The following MYH7B variants were observed in gnomAD, a reference collection of about 807,000 sequenced individuals.
MYH7B encodes the protein myosin heavy chain 7B, also known as myosin-7B.
A neutral mutation model predicts 234.5 loss-of-function variants in MYH7B; 205 were observed. That is an observed-to-expected ratio of 0.87 (90% CI 0.78 to 0.98). The LOEUF (loss-of-function observed/expected upper bound fraction) is 0.98, where lower values mean the gene tolerates loss of function less well. Among genes scored for constraint, MYH7B ranks in the 50% least tolerant of loss-of-function variants. The pLI is 0.00. For missense variants in MYH7B, 2,652 were observed against 2,633.4 expected, an observed-to-expected ratio of 1.01 and a Z score of -0.15; for synonymous variants, 1,193 against 1,105.0, an observed-to-expected ratio of 1.08 and a Z score of -1.58.
chr20:35,001,563 C>A, intron 43 of MYH7B, 37 bp downstream of exon 43: 1 of 1,549,440 alleles, frequency 6.5e-7, no homozygotes, highest in Non-Finnish European at 8.8e-7. Context: ...GGACCGGGCA[C>A]CCCAGCTCTG....
At chr20:34,999,754 C>A (rs747998179) in intron 37 of MYH7B, 37 bp from the exon 38 acceptor site, 6 of 1,280,924 alleles carry the variant, frequency 4.7e-6, no homozygotes, top group Admixed American at 1.8e-5. Context: ...TGGCCATCCC[C>A]CCCCCCCACC....
intron 27 of MYH7B, among the ~76,000 whole-genome samples, chr20:34,994,989 C>T (rs141570495): frequency 6.6e-6 from 1 of 152,356 alleles, no homozygotes; most frequent in East Asian, 1.9e-4. Context: ...GGACTGCCTC[C>T]AGGAGCCCGT....
intron 24 of MYH7B, among the ~76,000 whole-genome samples, chr20:34,992,124 G>A (rs1032961325): frequency 1.3e-5 from 2 of 152,188 alleles, no homozygotes; most frequent in African/African-American, 4.8e-5. Flanking sequence ...GGTGGCTAAC[G>A]CCTGTAATCC....
At chr20:34,979,047 T>C (rs937637514) in intron 5 of MYH7B, among the ~76,000 whole-genome samples, 1 of 152,136 alleles carries the variant, frequency 6.6e-6, no homozygotes, top group African/African-American at 2.4e-5. Flanking sequence ...GGCTGCTCTG[T>C]ATGGGACCTA....
chr20:35,000,588 G>A (rs1363872742), exon 39 of MYH7B: 3 of 1,568,668 alleles, frequency 1.9e-6, no homozygotes, highest in Non-Finnish European at 2.6e-6. Flanking sequence ...TGCGGAGCTG[G>A]AGGAGCTGCG....
chr20:34,970,339 C>T (rs558486852), intron 2 of MYH7B, among the ~76,000 whole-genome samples: 3 of 152,342 alleles, frequency 2.0e-5, no homozygotes, highest in East Asian at 3.9e-4. Flanking sequence ...CCACTTGTCT[C>T]ATACCCATGT....
chr20:34,984,910 C>T (rs372744056), exon 12 of MYH7B: 44 of 1,613,952 alleles, frequency 2.7e-5, no homozygotes, highest in South Asian at 1.4e-4. Context: ...CCTTTGGCAA[C>T]GCCAAGACCC....
chr20:34,967,103 C>T (rs930824965), intron 2 of MYH7B, among the ~76,000 whole-genome samples: 1 of 151,626 alleles, frequency 6.6e-6, no homozygotes, highest in Admixed American at 6.6e-5. Flanking sequence ...GTGGCGCGCA[C>T]CTGTAGTCCC....
exon 43 of MYH7B, chr20:35,001,501 G>T: frequency 6.2e-7 from 1 of 1,609,702 alleles, no homozygotes; most frequent in Admixed American, 1.7e-5. Flanking sequence ...AAGGTCAAGA[G>T]CTACAAGCGC....
At chr20:34,974,507 T>TA (rs2081827812) in intron 2 of MYH7B, among the ~76,000 whole-genome samples, 1 of 152,158 alleles carries the variant, frequency 6.6e-6, no homozygotes, top group Admixed American at 6.5e-5. Context: ...GAAGGGAACC[T>TA]ACGAGGAAGA....
intron 9 of MYH7B, chr20:34,981,534 G>A (rs561242767): frequency 5.5e-6 from 1 of 180,676 alleles, no homozygotes; most frequent in African/African-American, 2.4e-5. Flanking sequence ...TAGTGTGAGT[G>A]TGCATGCGCG....
intron 1 of MYH7B, among the ~76,000 whole-genome samples, chr20:34,957,355 C>G (rs1404461777): frequency 1.3e-5 from 2 of 152,076 alleles, no homozygotes; most frequent in Non-Finnish European, 1.5e-5. Context: ...GATGTGAGAT[C>G]ATGAGGCTGT....
At position 35,001,621 on chromosome 20, in the gene MYH7B, C is replaced by CA; in HGVS notation, c.5676+97dup. The CA allele has an allele frequency of 5.4e-6, 6 of 1,105,040 alleles. No individual in the cohort carries two copies. In the South Asian group the frequency reaches 8.7e-5, roughly 16 times the overall value. The allele number at this position is 1,105,040 out of a possible 1,614,324, so 68.5% of individuals were successfully genotyped here. A position where few individuals can be genotyped will look rare whatever the true frequency, so the allele number is the denominator to read the frequency against. On this transcript the variant is annotated intron_variant, in intron 43 of 44. Coordinates refer to ENST00000262873, the Ensembl canonical transcript of MYH7B. ...AGGCATCAGCAGCAGCTCCACCCTC[C>CA]AAGGTCAGTGACCCAGAGGGAAGAG...
At chr20:34,994,479 G>T (rs2082216256) in intron 27 of MYH7B, 78 bp downstream of exon 27, 1 of 1,455,526 alleles carries the variant, frequency 6.9e-7, no homozygotes, top group East Asian at 2.3e-5. Context: ...AGTACAGCGA[G>T]ACCCATGGGG....
In MYH7B at chr20:34,990,152, T is replaced by G; in HGVS notation, c.1900+6T>G. On this transcript the variant is annotated splice_donor_region_variant and intron_variant, in intron 21 of 44. Transcript: ENST00000262873. ...TTATGCGGGCTCCTGCTCCAGTGAG[T>G]ATGGAGGGACAAGATCTCCACTCTG... 5 of 1,613,728 alleles carry G rather than the reference T, an allele frequency of 3.1e-6. No individual in the cohort carries two copies. Among genetic ancestry groups the G allele is most frequent in the Non-Finnish European group, 4.2e-6 (5 of 1,179,936 alleles).
In MYH7B at chr20:34,997,321, G is replaced by A. The variant is rs3746437; in HGVS notation, c.3428G>A (p.Arg1143His). The change falls in exon 32 of 45, where the codon CGT (arginine) becomes CAT (histidine). Residue 1143 changes from arginine (R) to histidine (H), a missense_variant. Physicochemically the swap from Arg to His is conservative, Grantham distance 29. Around this residue, in one of 3 missense-constraint regions of MYH7B, gnomAD observed 2,279 missense variants for 2,211.4 expected, o/e 1.03. Coordinates refer to ENST00000262873, the Ensembl canonical transcript of MYH7B. ...GCCCGGGCCCGCGTGGAGAAGCAGC[G>A]TGCAGAGGCGGCGCGGGAGCTGGAG... The A allele has an allele frequency of 2.7e-5, 42 of 1,549,674 alleles. No homozygotes were observed. The East Asian group carries it at 6.2e-4, about 23-fold the overall frequency.
At chr20:34,998,733 G>A (rs2082309768) in exon 35 of MYH7B, 1 of 1,611,774 alleles carries the variant, frequency 6.2e-7, no homozygotes, top group Non-Finnish European at 8.5e-7. Context: ...AGAGTGCCCT[G>A]GCCCACGCCG....
intron 27 of MYH7B, 65 bp from the exon 28 acceptor site, chr20:34,995,271 C>T (rs2147224587): frequency 2.0e-6 from 3 of 1,537,892 alleles, no homozygotes; most frequent in Middle Eastern, 4.8e-4. Flanking sequence ...AGGGCCTGGC[C>T]TGGTGTCTCT....
At position 34,997,588 on chromosome 20, in the gene MYH7B, G is replaced by A. The variant is rs375322250; in HGVS notation, c.3695G>A (p.Arg1232His). 2.5e-6 allele frequency: 4 copies of A among 1,613,436 alleles called. No individual in the cohort carries two copies. The highest frequency in any genetic ancestry group is 3.4e-6 in the Non-Finnish European group (4 of 1,179,732). Reference sequence around the variant, plus strand: ...CTGGAGAAGGAGAAGAGTGAGCTGCGCATGGAGGTGGACGACCTGGCTGCC... The same window carrying A: ...CTGGAGAAGGAGAAGAGTGAGCTGCACATGGAGGTGGACGACCTGGCTGCC... Residue 1232 changes from arginine to histidine, a missense_variant, in exon 32 of 45, where the codon CGC (arginine) becomes CAC (histidine). Physicochemically the swap from Arg to His is conservative, Grantham distance 29. Transcript: ENST00000262873.
Sources: allele counts gnomAD v4.1 joint callset (sites outside exome capture counted in the v4.1 genomes callset), GRCh38; gene constraint gnomAD v4.1.1; regional missense constraint gnomAD v4.1.1; transcripts MANE v1.5; gene names NCBI Gene and HGNC (gene_info 2026-07-23, HGNC 2026-07-21).